C2orf76: variants seen among roughly 807,000 people sequenced by gnomAD.
C2orf76 encodes the protein UPF0538 protein C2orf76.
Under a neutral mutation model 16.9 loss-of-function variants are expected in C2orf76, and 23 were observed. The observed-to-expected ratio is 1.36, with a 90% CI of 0.98 to 1.93. The LOEUF (loss-of-function observed/expected upper bound fraction) is 1.93. Ranked by LOEUF, C2orf76 falls within the 30% of genes most tolerant of loss-of-function variation. The pLI, the probability that C2orf76 is intolerant of heterozygous loss-of-function variation, is 0.00. For missense variants in C2orf76, 152 were observed against 152.6 expected, an observed-to-expected ratio of 1.00 and a Z score of 0.02; for synonymous variants, 48 against 52.3, an observed-to-expected ratio of 0.92 and a Z score of 0.35.
chr2:119,318,617 C>A (rs539923221), intron 3 of C2orf76, among the ~76,000 whole-genome samples: 52 of 151,984 alleles, frequency 3.4e-4, no homozygotes, highest in Admixed American at 1.6e-3. Flanking sequence ...ACAAGCTCCA[C>A]CTCCCAAGTT....
chr2:119,354,182 A>G (rs1680492866), intron 1 of C2orf76, among the ~76,000 whole-genome samples: 1 of 152,338 alleles, frequency 6.6e-6, no homozygotes, highest in South Asian at 2.1e-4. Context: ...TTTCAAAAGC[A>G]TATTTTTTTA....
At chr2:119,336,836 G>A (rs958847148) in intron 2 of C2orf76, among the ~76,000 whole-genome samples, 2 of 152,052 alleles carry the variant, frequency 1.3e-5, no homozygotes, top group Non-Finnish European at 2.9e-5. Context: ...CAAAATGCTA[G>A]AGCAAGATGA....
At position 119,336,411 on chromosome 2, in the gene C2orf76, C is replaced by T. The variant is rs547317158; in HGVS notation, c.133+3416G>A. On this transcript the variant is annotated intron_variant, in intron 2 of 5. Transcript: ENST00000334816. ...TCTCAAAATAAATAAATAAATTTAT[C>T]ATACATCAGAAATAGGTTTATTATA... 2.6e-5 allele frequency among the ~76,000 whole-genome samples: 4 copies of T among 151,844 alleles called. No individual in the cohort carries two copies. In the East Asian group the frequency reaches 7.7e-4, roughly 29 times the overall value.
chr2:119,298,313 GTTTT>G (rs1158246545), downstream of C2orf76, among the ~76,000 whole-genome samples: 1 of 151,510 alleles, frequency 6.6e-6, no homozygotes, highest in Non-Finnish European at 1.5e-5. Context: ...ACCCTTAACT[GTTTT>G]TTTTAAATAC....
At chr2:119,344,345 A>T (rs186041025) in intron 1 of C2orf76, among the ~76,000 whole-genome samples, 2,420 of 152,300 alleles carry the variant, frequency 0.016, 42 homozygotes, top group Middle Eastern at 0.034. Flanking sequence ...CTAGTTTTTT[A>T]AAAAAGTGAA....
intron 1 of C2orf76, among the ~76,000 whole-genome samples, chr2:119,365,064 A>G (rs1264874073): frequency 1.3e-5 from 2 of 152,218 alleles, no homozygotes; most frequent in Non-Finnish European, 2.9e-5. Context: ...AGCCTAGGTA[A>G]AAGAGTGAGA....
At chr2:119,342,575 G>A (rs1680067190) in intron 1 of C2orf76, among the ~76,000 whole-genome samples, 1 of 151,370 alleles carries the variant, frequency 6.6e-6, no homozygotes, top group African/African-American at 2.4e-5. Flanking sequence ...TCGTGCCACT[G>A]CACTCCAGCC....
upstream of C2orf76, chr2:119,367,052 A>T: frequency 6.2e-7 from 1 of 1,614,080 alleles, no homozygotes; most frequent in South Asian, 1.1e-5. Context: ...GTCGGCCAGG[A>T]TGTCTCAGGT....
At chr2:119,299,303 G>T (rs537210945), downstream of C2orf76, among the ~76,000 whole-genome samples, 11 of 152,174 alleles carry the variant, frequency 7.2e-5, no homozygotes, top group Admixed American at 3.9e-4. Flanking sequence ...TCAAGTTAAG[G>T]GTATTTCTTT....
the C2orf76 span, among the ~76,000 whole-genome samples, chr2:119,283,379 C>CCCTTCCTGCCTCCT: frequency 2.0e-5 from 3 of 152,218 alleles, no homozygotes; most frequent in East Asian, 5.8e-4. Flanking sequence ...GCCAGCTCTG[C>CCCTTCCTGCCTCCT]CCTTCCTGCC....
the C2orf76 span, among the ~76,000 whole-genome samples, chr2:119,296,747 C>T: frequency 1.3e-5 from 2 of 152,208 alleles, no homozygotes; most frequent in African/African-American, 4.8e-5. Flanking sequence ...TGAAACCTGG[C>T]CCAACTCGTG....
chr2:119,311,328 A>T (rs576357138), intron 5 of C2orf76: 1 of 985,468 alleles, frequency 1.0e-6, no homozygotes, highest in African/African-American at 1.7e-5. Context: ...AAGAGTAAGT[A>T]GACGTGGTAC....
Position 119,347,912 on chromosome 2 carries a change from C to T in C2orf76, c.-12-7941G>A, listed in dbSNP as rs114129849. On this transcript the variant is annotated intron_variant, in intron 1 of 5. Coordinates refer to ENST00000334816, the MANE Select transcript of C2orf76 (RefSeq NM_001322331.2). ...AATTGACATTGATACAAGCAATGGA[C>T]ATCTATAATCCTAGCTACTTGGGAG... Among the ~76,000 whole-genome samples the T allele has an allele frequency of 4.9e-3, 743 of 152,028 alleles. 8 individuals are homozygous for T. The highest frequency in any genetic ancestry group is 0.014 in the African/African-American group (566 of 41,464).
intron 1 of C2orf76, among the ~76,000 whole-genome samples, chr2:119,363,980 T>C (rs952439501): frequency 6.6e-6 from 1 of 151,854 alleles, no homozygotes; most frequent in Non-Finnish European, 1.5e-5. Context: ...ATTGTGCCAC[T>C]GCACTCCAGC....
intron 2 of C2orf76, among the ~76,000 whole-genome samples, chr2:119,333,898 C>T (rs6732227): frequency 0.98 from 149,208 of 152,326 alleles, 73,090 homozygotes; most frequent in East Asian, 1. Flanking sequence ...AAGATATGAC[C>T]TGTCACAAAA....
downstream of C2orf76, among the ~76,000 whole-genome samples, chr2:119,301,474 T>G (rs796299331): frequency 9.9e-5 from 15 of 152,168 alleles, no homozygotes; most frequent in South Asian, 2.9e-3. Flanking sequence ...CAAGGAGCAA[T>G]GGCAGAGCCG....
At chr2:119,311,496 C>T in intron 5 of C2orf76, 126 bp downstream of exon 5, 2 of 1,447,218 alleles carry the variant, frequency 1.4e-6, no homozygotes, top group Non-Finnish European at 1.8e-6. Context: ...TGAACAGTTA[C>T]CGGGCAGTGT....
At chr2:119,348,961 TGG>T (rs1680296095) in intron 1 of C2orf76, among the ~76,000 whole-genome samples, 1 of 152,256 alleles carries the variant, frequency 6.6e-6, no homozygotes, top group Non-Finnish European at 1.5e-5. Context: ...CACTCCAGCC[TGG>T]GAGACAAAGC....
chr2:119,366,797 C>A lies in C2orf76; in HGVS notation c.-20G>T. The A allele has an allele frequency of 1.7e-6, 1 of 576,202 alleles. No homozygotes were observed. 35.7% of individuals were successfully genotyped at this position (576,202 alleles called of 1,614,324 possible). ...TACTTCCGTTGTCCCCACCTGTTCCCGGCGTCCCCTTCGGCTACTCCCGGC... is the reference window on the plus strand; with the variant it reads ...TACTTCCGTTGTCCCCACCTGTTCCAGGCGTCCCCTTCGGCTACTCCCGGC... On this transcript the variant is annotated 5_prime_UTR_variant, in exon 1 of 6. Coordinates refer to ENST00000334816, the MANE Select transcript of C2orf76 (RefSeq NM_001322331.2).
Sources: gnomAD v4.1 joint callset for allele counts (sites outside exome capture counted in the v4.1 genomes callset) on GRCh38, gnomAD v4.1.1 for gene constraint, MANE v1.5 for transcripts, NCBI Gene and HGNC (gene_info 2026-07-23, HGNC 2026-07-21) for gene names.